Variants in DENND4A observed in about 807,000 individuals in gnomAD.
The protein encoded by DENND4A is C-myc promoter-binding protein.
In DENND4A, 70 loss-of-function variants were observed where a neutral mutation model predicts 199.3. The observed-to-expected ratio is 0.35, with a 90% CI of 0.29 to 0.43. The LOEUF is 0.43. Among genes scored for constraint, DENND4A ranks in the 20% least tolerant of loss-of-function variants. The pLI, the probability that DENND4A is intolerant of heterozygous loss-of-function variation, is 1.00. For missense variants in DENND4A, 1,723 were observed against 2,255.8 expected (o/e 0.76, Z 4.78); for synonymous variants, 686 against 766.9 (o/e 0.89, Z 1.74).
chr15:65,774,980 T>C (rs1430595378), intron 1 of DENND4A, among the ~76,000 whole-genome samples: 1 of 150,742 alleles, frequency 6.6e-6, no homozygotes, highest in African/African-American at 2.4e-5. Context: ...CAAGCAATCC[T>C]CCTGCCTCAG....
chr15:65,732,484 A>G (rs2075987741), intron 8 of DENND4A, among the ~76,000 whole-genome samples: 1 of 152,158 alleles, frequency 6.6e-6, no homozygotes, highest in Admixed American at 6.5e-5. Flanking sequence ...CAACAAATTT[A>G]GGGGAAAAAA....
At position 65,731,710 on chromosome 15, in the gene DENND4A, G is replaced by T. The variant is rs1288867392; in HGVS notation, c.1108-10C>A. 2.6e-6 allele frequency: 4 copies of T among 1,536,826 alleles called. No homozygotes were observed. Among genetic ancestry groups the T allele is most frequent in the South Asian group, 1.2e-5 (1 of 80,922 alleles). ...TATCATGTGGTGATAACTGGAAGAA[G>T]ATTTAAAATAAAGAATTTGAAACAT... On this transcript the variant is annotated splice_polypyrimidine_tract_variant and intron_variant, in intron 8 of 32. Transcript: ENST00000443035.
intron 4 of DENND4A, among the ~76,000 whole-genome samples, chr15:65,746,287 G>A (rs970521901): frequency 1.4e-5 from 2 of 146,812 alleles, no homozygotes; most frequent in African/African-American, 5.0e-5. Flanking sequence ...CAGCAAAAAC[G>A]TACTTTCAAA....
chr15:65,687,130 T>C lies in DENND4A; in HGVS notation c.4179+3285A>G, dbSNP rs142759509. Among the ~76,000 whole-genome samples, 799 of 152,314 alleles carry C rather than the reference T, an allele frequency of 5.2e-3. 11 individuals carry two copies. Among genetic ancestry groups the C allele is most frequent in the African/African-American group, 0.019 (773 of 41,566 alleles). On this transcript the variant is annotated intron_variant, in intron 23 of 32. Coordinates refer to ENST00000443035, the MANE Select transcript of DENND4A (RefSeq NM_001320835.1). ...GATTTCCTGTTCTCTGTAAGACTATTTGAATATTTTTATTGGCTTTTTGGC... is the reference window on the plus strand; with the variant it reads ...GATTTCCTGTTCTCTGTAAGACTATCTGAATATTTTTATTGGCTTTTTGGC...
intron 4 of DENND4A, among the ~76,000 whole-genome samples, chr15:65,747,610 G>T (rs879378271): frequency 4.8e-4 from 73 of 152,102 alleles, no homozygotes; most frequent in Admixed American, 2.1e-3. Flanking sequence ...TATTGAGAGG[G>T]TTAAAACCAA....
At chr15:65,776,764 G>A (rs529919957) in intron 1 of DENND4A, among the ~76,000 whole-genome samples, 17 of 152,306 alleles carry the variant, frequency 1.1e-4, no homozygotes, top group African/African-American at 4.1e-4. Context: ...GAATTTAAGA[G>A]TTAGAAGACA....
At chr15:65,685,021 T>C (rs913126650) in intron 23 of DENND4A, among the ~76,000 whole-genome samples, 1 of 151,810 alleles carries the variant, frequency 6.6e-6, no homozygotes, top group Admixed American at 6.6e-5. Context: ...AAACGGGGGT[T>C]TCACCATGTT....
intron 2 of DENND4A, among the ~76,000 whole-genome samples, chr15:65,758,351 T>C (rs2076766606): frequency 6.6e-6 from 1 of 152,246 alleles, no homozygotes. Context: ...TCTCGCTCTG[T>C]CGCCCAGGCT....
chr15:65,705,585 T>C (rs1021541714), intron 15 of DENND4A, among the ~76,000 whole-genome samples: 2 of 152,148 alleles, frequency 1.3e-5, no homozygotes, highest in African/African-American at 4.8e-5. Flanking sequence ...CAATGATCAA[T>C]TCTAATAATT....
chr15:65,760,901 G>A (rs1056986323), intron 2 of DENND4A, among the ~76,000 whole-genome samples: 1 of 151,912 alleles, frequency 6.6e-6, no homozygotes, highest in Non-Finnish European at 1.5e-5. Flanking sequence ...AAAAAAAAGC[G>A]GAAACAGAAG....
chr15:65,701,294 T>G, intron 18 of DENND4A, 102 bp from the exon 19 acceptor site: 1 of 999,254 alleles, frequency 1.0e-6, no homozygotes, highest in Non-Finnish European at 1.4e-6. Context: ...AGGCCAGGAG[T>G]GGTGGCTCAT....
intron 2 of DENND4A, among the ~76,000 whole-genome samples, chr15:65,757,262 T>TG (rs71139431): frequency 0.011 from 1,179 of 102,784 alleles, 9 homozygotes; most frequent in South Asian, 0.019. Context: ...TCTTCTGAGA[T>TG]GGGGGGGGGG....
chr15:65,776,016 T>G (rs1472279906), intron 1 of DENND4A, among the ~76,000 whole-genome samples: 1 of 151,634 alleles, frequency 6.6e-6, no homozygotes, highest in Middle Eastern at 3.2e-3. Flanking sequence ...GAAGCCTTCC[T>G]TACTGTTTTC....
At chr15:65,684,462 T>C (rs2142007158) in intron 23 of DENND4A, among the ~76,000 whole-genome samples, 1 of 152,360 alleles carries the variant, frequency 6.6e-6, no homozygotes, top group South Asian at 2.1e-4. Flanking sequence ...TAATGCCTAA[T>C]AACTAATTAT....
intron 4 of DENND4A, among the ~76,000 whole-genome samples, chr15:65,746,228 A>T (rs768233025): frequency 5.3e-5 from 8 of 152,072 alleles, no homozygotes; most frequent in Non-Finnish European, 1.0e-4. Context: ...CATTGTTCTA[A>T]AACTACTTTA....
intron 1 of DENND4A, among the ~76,000 whole-genome samples, chr15:65,778,341 A>T (rs2077338272): frequency 6.6e-6 from 1 of 151,986 alleles, no homozygotes; most frequent in African/African-American, 2.4e-5. Flanking sequence ...CTTATCTAAC[A>T]AGCCAAAGTA....
At chr15:65,757,902 A>T (rs2076751707) in intron 2 of DENND4A, among the ~76,000 whole-genome samples, 1 of 151,918 alleles carries the variant, frequency 6.6e-6, no homozygotes, top group Non-Finnish European at 1.5e-5. Context: ...AATCGCTTGA[A>T]CCCAGGAGGA....
Position 65,676,630 on chromosome 15 carries a change from T to C in DENND4A, c.4184A>G (p.Gln1395Arg). 6.2e-7 allele frequency: 1 copy of C among 1,610,406 alleles called. No homozygotes were observed. Among genetic ancestry groups the C allele is most frequent in the Non-Finnish European group, 8.5e-7 (1 of 1,178,134 alleles). The change falls in exon 24 of 33, where the codon CAA becomes CGA. Residue 1395 changes from glutamine to arginine, a missense_variant. By Grantham distance (43) the Gln-to-Arg change is conservative. Coordinates refer to ENST00000443035, the MANE Select transcript of DENND4A (RefSeq NM_001320835.1). Reference protein sequence around the residue: ...FTMYTTSSKDQSSDRTSLSSV... With the variant: ...FTMYTTSSKDRSSDRTSLSSV... ...AGAAAGACTGGTACGATCAGAACTT[T>C]GATCCTAAGGACATAATTATAAGCT...
rs1165607162 is a variant in DENND4A, at chr15:65,752,132, G to C, written c.561+247C>G. ...CTCATTGCTTTTGTAGTGGGCGGGG[G>C]GGGTGGGGGATATTATTTTTTTAAT... On this transcript the variant is annotated intron_variant, in intron 4 of 32. Transcript: ENST00000443035. Among the ~76,000 whole-genome samples the C allele has an allele frequency of 2.0e-4, 29 of 146,680 alleles. 1 individual carries two copies. Among genetic ancestry groups the C allele is most frequent in the Non-Finnish European group, 3.7e-4 (25 of 66,820 alleles).
Sources: gnomAD v4.1 joint callset for allele counts (sites outside exome capture counted in the v4.1 genomes callset) on GRCh38, gnomAD v4.1.1 for gene constraint, MANE v1.5 for transcripts, NCBI Gene and HGNC (gene_info 2026-07-23, HGNC 2026-07-21) for gene names.